IGFBP7: variants seen among roughly 807,000 people sequenced by gnomAD.
IGFBP7 encodes insulin like growth factor binding protein 7.
IGFBP7 carries 31 observed loss-of-function variants against 29.4 expected under a neutral mutation model. The ratio of observed to expected loss-of-function variants is 1.05; its 90% CI spans 0.79 to 1.42. The LOEUF is 1.42. Ranked by LOEUF, IGFBP7 falls within the 40% of genes most tolerant of loss-of-function variation. The probability of loss-of-function intolerance (pLI) is 0.00; values close to 1 mark genes in which losing one functional copy is unlikely to be tolerated. For missense variants in IGFBP7, 393 were observed against 395.5 expected (o/e 0.99, Z 0.05); for synonymous variants, 172 against 174.9 (o/e 0.98, Z 0.13).
chr4:57,097,044 C>A (rs1332859474), intron 1 of IGFBP7, among the ~76,000 whole-genome samples: 2 of 152,118 alleles, frequency 1.3e-5, no homozygotes, highest in Non-Finnish European at 2.9e-5. Flanking sequence ...GGTTCATATT[C>A]TCTTTGGGGC....
intron 1 of IGFBP7, among the ~76,000 whole-genome samples, chr4:57,093,449 G>A (rs1374090241): frequency 3.3e-5 from 5 of 150,928 alleles, no homozygotes; most frequent in African/African-American, 1.2e-4. Context: ...GCAGTGAGCG[G>A]AGATCACACC....
At chr4:57,099,491 T>C (rs1725840221) in intron 1 of IGFBP7, among the ~76,000 whole-genome samples, 1 of 152,060 alleles carries the variant, frequency 6.6e-6, no homozygotes, top group Non-Finnish European at 1.5e-5. Context: ...GGGGTTAAGG[T>C]CAACATTCAG....
intron 1 of IGFBP7, among the ~76,000 whole-genome samples, chr4:57,041,902 C>T (rs1724235105): frequency 6.6e-6 from 1 of 152,068 alleles, no homozygotes; most frequent in Admixed American, 6.5e-5. Context: ...GTCCTTCTTC[C>T]AGTGTGCTCA....
At chr4:57,057,259 C>T (rs1251438452) in intron 1 of IGFBP7, among the ~76,000 whole-genome samples, 1 of 152,236 alleles carries the variant, frequency 6.6e-6, no homozygotes, top group Non-Finnish European at 1.5e-5. Flanking sequence ...ATCCCCCTGC[C>T]TTGGCCTCCC....
At chr4:57,067,583 A>G (rs372989078) in intron 1 of IGFBP7, among the ~76,000 whole-genome samples, 151 of 152,326 alleles carry the variant, frequency 9.9e-4, no homozygotes, top group African/African-American at 3.4e-3. Context: ...TGGGTATAAA[A>G]TTCTAGAGAC....
chr4:57,076,509 C>A (rs1725230365), intron 1 of IGFBP7, among the ~76,000 whole-genome samples: 1 of 152,200 alleles, frequency 6.6e-6, no homozygotes, highest in African/African-American at 2.4e-5. Flanking sequence ...AAGAAGCCAG[C>A]CATTTTGGTC....
At chr4:57,035,823 G>A (rs1277301789) in intron 2 of IGFBP7, among the ~76,000 whole-genome samples, 1 of 152,196 alleles carries the variant, frequency 6.6e-6, no homozygotes, top group Non-Finnish European at 1.5e-5. Flanking sequence ...TTAATATTCA[G>A]TGCTAGTAAA....
At chr4:57,099,045 A>G (rs867621650) in intron 1 of IGFBP7, among the ~76,000 whole-genome samples, 11 of 152,332 alleles carry the variant, frequency 7.2e-5, no homozygotes, top group African/African-American at 9.6e-5. Flanking sequence ...TCAGGCCAGA[A>G]GAGAGCAGAA....
chr4:57,077,766 G>A (rs1725262370), intron 1 of IGFBP7, among the ~76,000 whole-genome samples: 1 of 152,160 alleles, frequency 6.6e-6, no homozygotes, highest in Non-Finnish European at 1.5e-5. Flanking sequence ...CAGAATCTCT[G>A]CATTCACACA....
At chr4:57,064,630 C>A (rs1724876523) in intron 1 of IGFBP7, among the ~76,000 whole-genome samples, 1 of 152,138 alleles carries the variant, frequency 6.6e-6, no homozygotes, top group Admixed American at 6.5e-5. Flanking sequence ...TAGAGATTCT[C>A]CTCTTGTGAT....
At chr4:57,067,869 T>C (rs57408051) in intron 1 of IGFBP7, among the ~76,000 whole-genome samples, 4,157 of 152,248 alleles carry the variant, frequency 0.027, 183 homozygotes, top group African/African-American at 0.095. Flanking sequence ...TACTTGTTTT[T>C]CATAAAAAAC....
rs115996181 is a variant in IGFBP7, at chr4:57,095,087, T to C, written c.475+14790A>G. ...CCAAACTTTGTGCTGAAGTGCTGTCTAGTCATTCCTTATGAGCAAGCAGGC... is the reference window on the plus strand; with the variant it reads ...CCAAACTTTGTGCTGAAGTGCTGTCCAGTCATTCCTTATGAGCAAGCAGGC... On this transcript the variant is annotated intron_variant, in intron 1 of 4. Transcript: ENST00000295666. Among the ~76,000 whole-genome samples the C allele has an allele frequency of 9.9e-3, 1,510 of 152,344 alleles. 26 individuals are homozygous for C. Among genetic ancestry groups the C allele is most frequent in the African/African-American group, 0.034 (1,430 of 41,574 alleles).
At chr4:57,109,765 CG>C (rs1385724470) in intron 1 of IGFBP7, 111 bp downstream of exon 1, 2 of 1,297,412 alleles carry the variant, frequency 1.5e-6, no homozygotes, top group Non-Finnish European at 2.0e-6. Flanking sequence ...GGGATGCCCG[CG>C]GGGGAATCGC....
At chr4:57,032,857 C>T (rs969051067) in intron 3 of IGFBP7, among the ~76,000 whole-genome samples, 2 of 152,196 alleles carry the variant, frequency 1.3e-5, no homozygotes, top group Non-Finnish European at 2.9e-5. Context: ...AAAGTATTCT[C>T]CATGAATATC....
chr4:57,053,039 T>A (rs1724550531), intron 1 of IGFBP7, among the ~76,000 whole-genome samples: 2 of 137,720 alleles, frequency 1.5e-5, no homozygotes, highest in South Asian at 4.7e-4. Flanking sequence ...TTTTTTGAAA[T>A]GAAGTCTTAC....
chr4:57,079,459 C>T (rs1157899689), intron 1 of IGFBP7, among the ~76,000 whole-genome samples: 1 of 152,100 alleles, frequency 6.6e-6, no homozygotes, highest in East Asian at 1.9e-4. Flanking sequence ...TAACACGGTC[C>T]TCCTTTGCAG....
chr4:57,042,241 G>T (rs1038504837), intron 1 of IGFBP7, among the ~76,000 whole-genome samples: 1 of 152,206 alleles, frequency 6.6e-6, no homozygotes, highest in African/African-American at 2.4e-5. Context: ...ATGACTCTCT[G>T]GTCCTGGGTT....
intron 1 of IGFBP7, among the ~76,000 whole-genome samples, chr4:57,107,516 G>A (rs957084414): frequency 1.3e-5 from 2 of 152,186 alleles, no homozygotes; most frequent in East Asian, 3.8e-4. Flanking sequence ...GGTGTCAGAA[G>A]AAATATTTAG....
At chr4:57,090,323 A>C (rs971508941) in intron 1 of IGFBP7, among the ~76,000 whole-genome samples, 3 of 152,136 alleles carry the variant, frequency 2.0e-5, no homozygotes, top group African/African-American at 7.2e-5. Context: ...CTTTCTTGTC[A>C]GTGTCTGAAG....
Sources: gnomAD v4.1 joint callset for allele counts (sites outside exome capture counted in the v4.1 genomes callset) on GRCh38, gnomAD v4.1.1 for gene constraint, MANE v1.5 for transcripts, NCBI Gene and HGNC (gene_info 2026-07-23, HGNC 2026-07-21) for gene names.